The following PHF20 variants were observed in gnomAD, a reference collection of about 807,000 sequenced individuals.
PHF20 encodes the protein PHD finger protein 20.
Under a neutral mutation model 113.5 loss-of-function variants are expected in PHF20, and 23 were observed. The observed-to-expected ratio is 0.20, with a 90% CI of 0.15 to 0.29. The LOEUF (loss-of-function observed/expected upper bound fraction) is 0.29, where lower values mean the gene tolerates loss of function less well. Ranked by LOEUF, PHF20 falls within the 10% of genes least tolerant of loss-of-function variation. The probability of loss-of-function intolerance (pLI) is 1.00; values close to 1 mark genes in which losing one functional copy is unlikely to be tolerated. For synonymous variants in PHF20, 434 were observed against 457.3 expected, an observed-to-expected ratio of 0.95 and a Z score of 0.65; for missense variants, 943 against 1,219.6, an observed-to-expected ratio of 0.77 and a Z score of 3.38.
In PHF20 at chr20:35,940,913, G is replaced by T; in HGVS notation, c.2762G>T (p.Arg921Leu). 1 of 1,614,110 alleles carries T rather than the reference G, an allele frequency of 6.2e-7. No homozygotes were observed. The highest frequency in any genetic ancestry group is 1.1e-5 in the South Asian group (1 of 91,080). The change falls in exon 17 of 18, where the codon CGG (arginine) becomes CTG (leucine). Residue 921 changes from arginine to leucine, a missense_variant. Physicochemically the swap from Arg to Leu is moderately radical, Grantham distance 102. This residue lies in a region of PHF20 where 349 missense variants were observed against 412.3 expected (regional missense o/e 0.85). Coordinates refer to ENST00000374012, the MANE Select transcript of PHF20 (RefSeq NM_016436.5). ...KKALPEEAPA[R>L]KLLDRGGEGL... Reference sequence around the variant, plus strand: ...GCCCTACCAGAAGAAGCCCCTGCTCGGAAGCTGCTGGACAGAGGTGGAGAG... The same window carrying T: ...GCCCTACCAGAAGAAGCCCCTGCTCTGAAGCTGCTGGACAGAGGTGGAGAG...
rs951775106 is a variant in PHF20, at chr20:35,878,676, G to A, written c.1282+6847G>A. On this transcript the variant is annotated intron_variant, in intron 9 of 17. Coordinates refer to ENST00000374012, the MANE Select transcript of PHF20 (RefSeq NM_016436.5). ...GTGGCAGCCCAAGGCTTTGTTGTAGGAGCAATGACTGTTGTTATATCATGT... is the reference window on the plus strand; with the variant it reads ...GTGGCAGCCCAAGGCTTTGTTGTAGAAGCAATGACTGTTGTTATATCATGT... 25 of 788,778 alleles carry A rather than the reference G, an allele frequency of 3.2e-5. No individual in the cohort carries two copies. The Middle Eastern group carries it at 1.4e-3, about 45-fold the overall frequency. The allele number at this position is 788,778 out of a possible 1,614,324, so 48.9% of individuals were successfully genotyped here.
At chr20:35,908,279 T>G (rs1179783327) in intron 10 of PHF20, among the ~76,000 whole-genome samples, 1 of 152,236 alleles carries the variant, frequency 6.6e-6, no homozygotes, top group Non-Finnish European at 1.5e-5. Flanking sequence ...GGGACTCACC[T>G]GCCTTAGCTC....
chr20:35,838,757 C>T (rs778218301), intron 2 of PHF20, among the ~76,000 whole-genome samples: 3 of 150,280 alleles, frequency 2.0e-5, no homozygotes, highest in Admixed American at 6.7e-5. Flanking sequence ...GGGAGGCTGA[C>T]GCAGGAGGAT....
intron 3 of PHF20, among the ~76,000 whole-genome samples, chr20:35,844,775 A>G (rs2042593972): frequency 6.6e-6 from 1 of 152,184 alleles, no homozygotes; most frequent in Non-Finnish European, 1.5e-5. Flanking sequence ...AAGGCACTAT[A>G]GACTCTTGTT....
intron 10 of PHF20, among the ~76,000 whole-genome samples, chr20:35,903,048 G>C (rs372857153): frequency 1.2e-4 from 10 of 85,310 alleles, no homozygotes; most frequent in South Asian, 4.4e-4. Context: ...AGTGATTTTC[G>C]TTTCCTTTCC....
intron 16 of PHF20, 128 bp from the exon 17 acceptor site, chr20:35,940,736 A>G: frequency 1.3e-6 from 1 of 796,634 alleles, no homozygotes; most frequent in Non-Finnish European, 2.0e-6. Context: ...GGGAAATAGG[A>G]AAGGGAGGTA....
Position 35,948,093 on chromosome 20 carries a change from TA to T in PHF20, c.*467del. The T allele has an allele frequency of 5.9e-6, 1 of 168,826 alleles. No homozygotes were observed. The highest frequency in any genetic ancestry group is 5.6e-5 in the Admixed American group (1 of 17,824). 10.5% of individuals were successfully genotyped at this position (168,826 alleles called of 1,614,324 possible). On this transcript the variant is annotated 3_prime_UTR_variant, in exon 18 of 18. Coordinates refer to ENST00000374012, the MANE Select transcript of PHF20 (RefSeq NM_016436.5). ...GCATCATTTTCCTTTTCTAGCTTCA[TA>T]GGAATATTGTGAGCTCACCATGCTG...
intron 9 of PHF20, among the ~76,000 whole-genome samples, chr20:35,892,707 GTA>G (rs2054898700): frequency 6.6e-6 from 1 of 152,062 alleles, no homozygotes; most frequent in South Asian, 2.1e-4. Flanking sequence ...TCACAGGCTA[GTA>G]TGCATTACTG....
chr20:35,931,995 G>A lies in PHF20; in HGVS notation c.2300+551G>A, dbSNP rs1024617140. Among the ~76,000 whole-genome samples, 10 of 151,478 alleles carry A rather than the reference G, an allele frequency of 6.6e-5. No individual in the cohort carries two copies. The East Asian group carries it at 1.7e-3, about 26-fold the overall frequency. Reference sequence around the variant, plus strand: ...TTGAATTTTGACATTGTATGCAGCCGTGAAGCCACCACCAGAATCAATACA... The same window carrying A: ...TTGAATTTTGACATTGTATGCAGCCATGAAGCCACCACCAGAATCAATACA... On this transcript the variant is annotated intron_variant, in intron 15 of 17. Coordinates refer to ENST00000374012, the MANE Select transcript of PHF20 (RefSeq NM_016436.5).
chr20:35,781,843 C>G (rs1012574199), intron 1 of PHF20, among the ~76,000 whole-genome samples: 5 of 152,066 alleles, frequency 3.3e-5, no homozygotes, highest in African/African-American at 1.2e-4. Flanking sequence ...CACTAGGGAG[C>G]CTGAAGCAGG....
intron 1 of PHF20, among the ~76,000 whole-genome samples, chr20:35,790,665 T>C (rs185878519): frequency 6.6e-6 from 1 of 152,266 alleles, no homozygotes; most frequent in East Asian, 1.9e-4. Flanking sequence ...GGCACTCTTA[T>C]TCCAGAGTTC....
intron 2 of PHF20, among the ~76,000 whole-genome samples, chr20:35,841,768 C>G (rs1415276443): frequency 6.6e-6 from 1 of 150,792 alleles, no homozygotes; most frequent in African/African-American, 2.5e-5. Context: ...GACCCTGTCT[C>G]AAAAAAACAA....
At chr20:35,791,348 A>G (rs1219141523) in intron 1 of PHF20, among the ~76,000 whole-genome samples, 1 of 151,768 alleles carries the variant, frequency 6.6e-6, no homozygotes, top group Non-Finnish European at 1.5e-5. Flanking sequence ...TTTCACATCC[A>G]TAAAATGGGA....
chr20:35,869,939 C>T (rs984089318), intron 7 of PHF20, among the ~76,000 whole-genome samples: 3 of 151,820 alleles, frequency 2.0e-5, no homozygotes, highest in African/African-American at 7.3e-5. Context: ...GTGGGTGGAT[C>T]ATCTGAGGTC....
intron 12 of PHF20, among the ~76,000 whole-genome samples, chr20:35,915,030 A>T (rs554563521): frequency 1.4e-4 from 21 of 145,244 alleles, no homozygotes; most frequent in Admixed American, 7.6e-4. Context: ...GTATATATGT[A>T]AAAAAAAAGG....
At chr20:35,859,692 G>T (rs548403520) in intron 5 of PHF20, among the ~76,000 whole-genome samples, 2 of 151,876 alleles carry the variant, frequency 1.3e-5, no homozygotes, top group African/African-American at 4.8e-5. Context: ...GACTAGGCGC[G>T]TGCCACCACG....
chr20:35,802,375 C>T (rs1221127146), intron 2 of PHF20, among the ~76,000 whole-genome samples: 3 of 150,752 alleles, frequency 2.0e-5, no homozygotes, highest in South Asian at 2.1e-4. Context: ...GACAGAGATT[C>T]GCTCTGTCAC....
chr20:35,870,085 AT>A (rs1242798292), intron 7 of PHF20, among the ~76,000 whole-genome samples: 1 of 151,622 alleles, frequency 6.6e-6, no homozygotes, highest in Non-Finnish European at 1.5e-5. Context: ...TGGGCAGATC[AT>A]GAGGACGGGA....
intron 4 of PHF20, among the ~76,000 whole-genome samples, chr20:35,851,152 C>T (rs958792404): frequency 2.6e-5 from 4 of 152,088 alleles, no homozygotes; most frequent in African/African-American, 9.7e-5. Context: ...AAGTGATTTT[C>T]TTTAAGGAAA....
Sources: allele counts gnomAD v4.1 joint callset (sites outside exome capture counted in the v4.1 genomes callset), GRCh38; gene constraint gnomAD v4.1.1; regional missense constraint gnomAD v4.1.1; transcripts MANE v1.5; gene names NCBI Gene and HGNC (gene_info 2026-07-23, HGNC 2026-07-21).